The following ULK4 variants were observed in gnomAD, a reference collection of about 807,000 sequenced individuals.
ULK4 encodes the protein inactive serine/threonine-protein kinase ULK4.
ULK4 carries 133 observed loss-of-function variants against 160.6 expected under a neutral mutation model. The ratio of observed to expected loss-of-function variants is 0.83; its 90% CI spans 0.72 to 0.96. ULK4 has a LOEUF of 0.96. ULK4 is among the 40% of genes least tolerant of loss of function. ULK4 has a pLI of 0.00. For missense variants in ULK4, 1,580 were observed against 1,499.5 expected (o/e 1.05, Z -0.89); for synonymous variants, 534 against 539.8 (o/e 0.99, Z 0.15).
intron 22 of ULK4, among the ~76,000 whole-genome samples, chr3:41,748,041 T>C (rs924991303): frequency 6.6e-6 from 1 of 151,946 alleles, no homozygotes; most frequent in Non-Finnish European, 1.5e-5. Flanking sequence ...GATGAGAGAA[T>C]TTTACTTATA....
intron 27 of ULK4, among the ~76,000 whole-genome samples, chr3:41,698,194 G>C (rs959765260): frequency 2.0e-5 from 3 of 152,194 alleles, no homozygotes; most frequent in Non-Finnish European, 4.4e-5. Flanking sequence ...GCATTTTTCA[G>C]AATGTATCTC....
intron 34 of ULK4, among the ~76,000 whole-genome samples, chr3:41,436,053 C>A (rs184381096): frequency 1.9e-3 from 289 of 152,232 alleles, no homozygotes; most frequent in Non-Finnish European, 3.4e-3. Context: ...GGTGGGAAAG[C>A]GATACGCATT....
chr3:41,939,105 T>A (rs1249852232), intron 2 of ULK4, among the ~76,000 whole-genome samples: 1 of 151,314 alleles, frequency 6.6e-6, no homozygotes, highest in Non-Finnish European at 1.5e-5. Context: ...GACTAAACCA[T>A]TAAAGAACAA....
intron 20 of ULK4, among the ~76,000 whole-genome samples, chr3:41,795,999 T>C (rs1228536732): frequency 6.6e-6 from 1 of 152,206 alleles, no homozygotes; most frequent in Non-Finnish European, 1.5e-5. Context: ...AGAGGATGTC[T>C]AGCCCTTTGC....
chr3:41,768,161 T>C (rs1178910219), intron 21 of ULK4, among the ~76,000 whole-genome samples: 3 of 152,026 alleles, frequency 2.0e-5, no homozygotes, highest in Non-Finnish European at 4.4e-5. Flanking sequence ...AACAGTTTCA[T>C]CCCAAAACCA....
chr3:41,814,825 G>GT (rs1176851392), intron 19 of ULK4, among the ~76,000 whole-genome samples: 1 of 150,462 alleles, frequency 6.6e-6, no homozygotes, highest in Non-Finnish European at 1.5e-5. Context: ...CATATGACGT[G>GT]TATCTTTTTT....
chr3:41,687,832 G>C (rs1303913757), intron 27 of ULK4: 1 of 152,204 alleles, frequency 6.6e-6, no homozygotes, highest in Non-Finnish European at 1.5e-5. Context: ...TAATGTACTT[G>C]ACAGGTAAAC....
At chr3:41,317,705 A>T (rs1284667993) in intron 35 of ULK4, among the ~76,000 whole-genome samples, 1 of 152,230 alleles carries the variant, frequency 6.6e-6, no homozygotes, top group Non-Finnish European at 1.5e-5. Context: ...TTAGAATAGT[A>T]ACTCAAGATA....
chr3:41,807,519 C>CACTA (rs1345544479), intron 19 of ULK4, among the ~76,000 whole-genome samples: 1 of 152,140 alleles, frequency 6.6e-6, no homozygotes, highest in Non-Finnish European at 1.5e-5. Context: ...ATATATCCTT[C>CACTA]ACTATTTTTA....
intron 32 of ULK4, among the ~76,000 whole-genome samples, chr3:41,563,482 C>T (rs985994593): frequency 1.7e-4 from 26 of 152,162 alleles, no homozygotes; most frequent in East Asian, 1.9e-4. Context: ...CTCCCCGTCA[C>T]GTTCAGGTAC....
At chr3:41,248,268 G>A (rs1184491733) in intron 36 of ULK4, among the ~76,000 whole-genome samples, 1 of 152,122 alleles carries the variant, frequency 6.6e-6, no homozygotes, top group Non-Finnish European at 1.5e-5. Context: ...TTTTGCACAA[G>A]GCCAGGATCC....
intron 32 of ULK4, among the ~76,000 whole-genome samples, chr3:41,504,266 A>G (rs754568053): frequency 1.4e-4 from 22 of 152,210 alleles, no homozygotes; most frequent in Non-Finnish European, 2.8e-4. Flanking sequence ...AACATCTGAC[A>G]TACTTTTACC....
chr3:41,492,345 C>T (rs916249049), intron 32 of ULK4, among the ~76,000 whole-genome samples: 1 of 152,210 alleles, frequency 6.6e-6, no homozygotes. Flanking sequence ...TACAGTCCCG[C>T]CAACAGTGTA....
chr3:41,320,643 G>A (rs1180148924), intron 35 of ULK4, among the ~76,000 whole-genome samples: 1 of 127,568 alleles, frequency 7.8e-6, no homozygotes, highest in Non-Finnish European at 1.7e-5. Flanking sequence ...AGGGCTGGGT[G>A]CAGCGGCTCA....
intron 21 of ULK4, among the ~76,000 whole-genome samples, chr3:41,785,667 T>C (rs1156958748): frequency 6.6e-6 from 1 of 152,234 alleles, no homozygotes; most frequent in East Asian, 1.9e-4. Context: ...CTTCCACTCA[T>C]TCTAACCTAT....
chr3:41,290,184 T>A (rs901787299), intron 35 of ULK4, among the ~76,000 whole-genome samples: 1 of 152,182 alleles, frequency 6.6e-6, no homozygotes, highest in African/African-American at 2.4e-5. Context: ...CCAACTTTAT[T>A]TTGCTATAAG....
chr3:41,576,295 G>A (rs1177590187), intron 31 of ULK4, among the ~76,000 whole-genome samples: 1 of 152,202 alleles, frequency 6.6e-6, no homozygotes, highest in Non-Finnish European at 1.5e-5. Flanking sequence ...GTTGCCTTGG[G>A]TTGAATAGTA....
intron 35 of ULK4, among the ~76,000 whole-genome samples, chr3:41,393,827 C>T (rs141758725): frequency 3.9e-4 from 60 of 152,290 alleles, no homozygotes; most frequent in Non-Finnish European, 7.1e-4. Flanking sequence ...TCAGATCAGT[C>T]CTTGGCAAAG....
chr3:41,289,038 GGGGAGC>G (rs2079512156), intron 35 of ULK4, among the ~76,000 whole-genome samples: 1 of 152,190 alleles, frequency 6.6e-6, no homozygotes, highest in Non-Finnish European at 1.5e-5. Flanking sequence ...AGAGCGCCAC[GGGGAGC>G]GGCAGAGCAG....
Sources: allele counts gnomAD v4.1 joint callset (sites outside exome capture counted in the v4.1 genomes callset), GRCh38; gene constraint gnomAD v4.1.1; transcripts MANE v1.5; gene names NCBI Gene and HGNC (gene_info 2026-07-23, HGNC 2026-07-21).